IP6K1: variants seen among roughly 807,000 people sequenced by gnomAD.
The protein encoded by IP6K1 is ATP:1D-myo-inositol-hexakisphosphate phosphotransferase.
IP6K1 carries 13 observed loss-of-function variants against 38.3 expected under a neutral mutation model. That is an observed-to-expected ratio of 0.34 (90% confidence interval 0.22 to 0.54). IP6K1 has a LOEUF of 0.54. IP6K1 is among the 20% of genes least tolerant of loss of function. The pLI, the probability that IP6K1 is intolerant of heterozygous loss-of-function variation, is 0.92. For missense variants in IP6K1, 397 were observed against 599.8 expected (o/e 0.66, Z 3.53); for synonymous variants, 212 against 229.9 (o/e 0.92, Z 0.70).
intron 1 of IP6K1, among the ~76,000 whole-genome samples, chr3:49,766,389 C>A (rs975842584): frequency 6.6e-6 from 1 of 150,864 alleles, no homozygotes; most frequent in Non-Finnish European, 1.5e-5. Context: ...AAACGCCAGG[C>A]GCTGTGGCTC....
In IP6K1 at chr3:49,747,831, G is replaced by A. The variant is rs371433710; in HGVS notation, c.210C>T (p.Thr70=). The part of the protein sequence containing the change: ...ESLPPEMKEF[T]PEYKGVVSVC... ...CCAGTGACTGACCTTTGTATTCAGGGGTGAACTCCTTCATTTCGGGAGGGA... is the reference window on the plus strand; with the variant it reads ...CCAGTGACTGACCTTTGTATTCAGGAGTGAACTCCTTCATTTCGGGAGGGA... The change falls in exon 2 of 6, where the codon ACC becomes ACT. Residue 70 remains threonine, a synonymous_variant. Transcript: ENST00000321599. 1.9e-6 allele frequency: 3 copies of A among 1,614,040 alleles called. No individual in the cohort carries two copies. Among genetic ancestry groups the A allele is most frequent in the Non-Finnish European group, 2.5e-6 (3 of 1,179,946 alleles).
At chr3:49,744,401 C>CAAAAAAA (rs56916226) in intron 2 of IP6K1, among the ~76,000 whole-genome samples, 2 of 76,206 alleles carry the variant, frequency 2.6e-5, no homozygotes, top group Non-Finnish European at 4.5e-5. Flanking sequence ...GACTCCGTCT[C>CAAAAAAA]AAAAAAAAAA....
intron 1 of IP6K1, among the ~76,000 whole-genome samples, chr3:49,763,787 G>A (rs1276236224): frequency 2.6e-5 from 4 of 151,818 alleles, no homozygotes; most frequent in South Asian, 2.1e-4. Flanking sequence ...AGGCTGAGGC[G>A]GGAGGATCAC....
chr3:49,755,139 G>A (rs563266708), intron 1 of IP6K1, among the ~76,000 whole-genome samples: 4 of 116,012 alleles, frequency 3.4e-5, no homozygotes, highest in South Asian at 5.6e-4. Flanking sequence ...GTTTCACCAT[G>A]TTGCCCAGGC....
intron 1 of IP6K1, among the ~76,000 whole-genome samples, chr3:49,777,564 A>T (rs930604340): frequency 6.6e-6 from 1 of 150,670 alleles, no homozygotes; most frequent in Admixed American, 6.6e-5. Flanking sequence ...CTCTATCTCA[A>T]AAAAAAAAGA....
At chr3:49,757,540 A>G (rs2080834345) in intron 1 of IP6K1, among the ~76,000 whole-genome samples, 1 of 151,984 alleles carries the variant, frequency 6.6e-6, no homozygotes. Flanking sequence ...CCTGGGCAAC[A>G]TGGCAAAATA....
intron 1 of IP6K1, among the ~76,000 whole-genome samples, chr3:49,773,678 A>T (rs1001218180): frequency 6.6e-6 from 1 of 152,174 alleles, no homozygotes; most frequent in African/African-American, 2.4e-5. Context: ...CCAAATAGAG[A>T]AGAAGCTTTT....
chr3:49,727,146 T>G lies in IP6K1; in HGVS notation c.1302A>C (p.Glu434Asp). The G allele has an allele frequency of 6.2e-7, 1 of 1,612,100 alleles. No individual in the cohort carries two copies. The highest frequency in any genetic ancestry group is 8.5e-7 in the Non-Finnish European group (1 of 1,178,552). The change falls in exon 6 of 6, where the codon GAA becomes GAC. Residue 434 changes from glutamate (E) to aspartate (D), a missense_variant. Physicochemically the swap from Glu to Asp is conservative, Grantham distance 45 (BLOSUM62 2). This residue lies in a region of IP6K1 where 164 missense variants were observed against 213.5 expected (regional missense o/e 0.77). Coordinates refer to ENST00000321599, the MANE Select transcript of IP6K1 (RefSeq NM_153273.4). This position sits in a 1 kb window ranked among gnomAD's most constrained non-coding sequence, Gnocchi z 5.9. ...FGLENLISIM[E>D]QMRDENQ Reference sequence around the variant, plus strand: ...CCTACTGGTTCTCGTCCCGCATCTGTTCCATGATGCTGATGAGGTTCTCCA... The same window carrying G: ...CCTACTGGTTCTCGTCCCGCATCTGGTCCATGATGCTGATGAGGTTCTCCA...
intron 1 of IP6K1, among the ~76,000 whole-genome samples, chr3:49,784,419 G>A (rs1433310350): frequency 6.6e-6 from 1 of 152,130 alleles, no homozygotes. Context: ...GGCCAAGGCA[G>A]GCGGATCAGG....
At chr3:49,775,569 G>T in intron 1 of IP6K1, 1 of 1,053,136 alleles carries the variant, frequency 9.5e-7, no homozygotes. Context: ...CTCTAAGACA[G>T]ACCTCTTCTA....
chr3:49,751,342 A>C (rs539426019), intron 1 of IP6K1, among the ~76,000 whole-genome samples: 6 of 152,080 alleles, frequency 3.9e-5, no homozygotes, highest in Non-Finnish European at 8.8e-5. Context: ...TTGTATTTTT[A>C]GTGGAGACGG....
At chr3:49,780,046 A>C (rs768656112) in intron 1 of IP6K1, among the ~76,000 whole-genome samples, 1 of 152,026 alleles carries the variant, frequency 6.6e-6, no homozygotes, top group African/African-American at 2.4e-5. Flanking sequence ...TGAATTTTAG[A>C]CTTGAAAAGA....
At chr3:49,728,029 G>T in intron 5 of IP6K1, 74 bp downstream of exon 5, 1 of 1,461,748 alleles carries the variant, frequency 6.8e-7, no homozygotes. Flanking sequence ...ACTTGGCATA[G>T]ATGGCAGGCA....
At chr3:49,731,907 G>GAAAAAAAAAAAAAAAAAAAA (rs1277207284) in intron 4 of IP6K1, among the ~76,000 whole-genome samples, 3 of 69,086 alleles carry the variant, frequency 4.3e-5, no homozygotes, top group Non-Finnish European at 6.3e-5. Flanking sequence ...AAAAAAAAAG[G>GAAAAAAAAAAAAAAAAAAAA]AATTCCTATG....
Position 49,758,178 on chromosome 3 carries a change from C to T in IP6K1, c.-128-10010G>A, listed in dbSNP as rs182458893. 3.5e-3 allele frequency among the ~76,000 whole-genome samples: 524 copies of T among 151,788 alleles called. 1 individual carries two copies. The highest frequency in any genetic ancestry group is 6.0e-3 in the Admixed American group (91 of 15,222). Reference sequence around the variant, plus strand: ...CAAAAAAATTAGCCAGGCATGGTGGCGGGCGCCTGTAGTCAGTCCCAGCTA... The same window carrying T: ...CAAAAAAATTAGCCAGGCATGGTGGTGGGCGCCTGTAGTCAGTCCCAGCTA... On this transcript the variant is annotated intron_variant, in intron 1 of 5. Transcript: ENST00000321599.
intron 1 of IP6K1, among the ~76,000 whole-genome samples, chr3:49,763,279 T>C (rs1374577805): frequency 9.1e-6 from 1 of 109,334 alleles, no homozygotes; most frequent in African/African-American, 3.9e-5. Flanking sequence ...ATTTTTTTTG[T>C]ATTTTTTAGT....
intron 1 of IP6K1, among the ~76,000 whole-genome samples, chr3:49,774,471 G>A (rs973633636): frequency 6.8e-6 from 1 of 147,070 alleles, no homozygotes; most frequent in Non-Finnish European, 1.5e-5. Context: ...AATACATATT[G>A]AGTATCTACA....
intron 1 of IP6K1, among the ~76,000 whole-genome samples, chr3:49,783,373 T>A (rs563002548): frequency 6.6e-6 from 1 of 151,294 alleles, no homozygotes; most frequent in East Asian, 1.9e-4. Flanking sequence ...GGTGAAACCC[T>A]GTCTCAGAAA....
chr3:49,729,420 T>TA (rs1179469135), intron 4 of IP6K1, among the ~76,000 whole-genome samples: 13 of 151,818 alleles, frequency 8.6e-5, no homozygotes, highest in South Asian at 2.1e-4. Context: ...TATTTTATTT[T>TA]TTTTTTGAGA....
Sources: gnomAD v4.1 joint callset for allele counts (sites outside exome capture counted in the v4.1 genomes callset) on GRCh38, gnomAD v4.1.1 for gene constraint, gnomAD v4.1.1 regional missense constraint, Gnocchi (gnomAD v3.1) non-coding constraint, MANE v1.5 for transcripts, NCBI Gene and HGNC (gene_info 2026-07-23, HGNC 2026-07-21) for gene names.